The following FHIT variants were observed in gnomAD, a reference collection of about 807,000 sequenced individuals.
The protein encoded by FHIT is bis(5'-adenosyl)-triphosphatase.
FHIT carries 19 observed loss-of-function variants against 17.9 expected under a neutral mutation model. That is an observed-to-expected ratio of 1.06 (90% CI 0.74 to 1.56). The LOEUF (loss-of-function observed/expected upper bound fraction) is 1.56. FHIT is among the 40% of genes most tolerant of loss of function. FHIT has a pLI of 0.00. For missense variants in FHIT, 248 were observed against 189.2 expected, an observed-to-expected ratio of 1.31 and a Z score of -1.82; for synonymous variants, 81 against 69.7, an observed-to-expected ratio of 1.16 and a Z score of -0.81.
chr3:60,410,077 A>G lies in FHIT; in HGVS notation c.103+126783T>C, dbSNP rs139729077. Among the ~76,000 whole-genome samples the G allele has an allele frequency of 2.4e-3, 369 of 152,358 alleles. 2 individuals carry two copies. The highest frequency in any genetic ancestry group is 3.9e-3 in the Non-Finnish European group (263 of 68,038). On this transcript the variant is annotated intron_variant, in intron 5 of 9. Transcript: ENST00000492590. ...GAAGCAAAATACAGGATAATTCAGAATACTAAGAACCTGCTATTGTTTAAC... is the reference window on the plus strand; with the variant it reads ...GAAGCAAAATACAGGATAATTCAGAGTACTAAGAACCTGCTATTGTTTAAC...
chr3:60,128,655 A>C (rs1231078060), intron 5 of FHIT, among the ~76,000 whole-genome samples: 3 of 152,224 alleles, frequency 2.0e-5, no homozygotes, highest in Non-Finnish European at 4.4e-5. Context: ...GGCAAGTAAG[A>C]ATTACTCTGC....
At chr3:60,653,321 AAG>A (rs1461739097) in intron 4 of FHIT, among the ~76,000 whole-genome samples, 1 of 152,194 alleles carries the variant, frequency 6.6e-6, no homozygotes, top group East Asian at 1.9e-4. Context: ...TCAGATAAGA[AAG>A]AGCTCTTTGG....
In FHIT at chr3:60,560,939, C is replaced by G. The variant is rs1047466700; in HGVS notation, c.-17-23960G>C. Among the ~76,000 whole-genome samples, 4 of 151,606 alleles carry G rather than the reference C, an allele frequency of 2.6e-5. No homozygotes were observed. In the South Asian group the frequency reaches 8.3e-4, roughly 32 times the overall value. ...AGCCAGGGACTAAAGAGAAAAGTCC[C>G]TTCCTGTGAAAAGAATAAGATAATA... On this transcript the variant is annotated intron_variant, in intron 4 of 9. Transcript: ENST00000492590.
intron 4 of FHIT, among the ~76,000 whole-genome samples, chr3:60,813,914 A>T (rs1464513064): frequency 1.3e-5 from 2 of 152,030 alleles, no homozygotes; most frequent in Non-Finnish European, 2.9e-5. Flanking sequence ...GCCACTCTAG[A>T]CTTCCTATGC....
chr3:60,583,490 T>C (rs1042248048), intron 4 of FHIT, among the ~76,000 whole-genome samples: 9 of 152,170 alleles, frequency 5.9e-5, no homozygotes, highest in African/African-American at 1.9e-4. Flanking sequence ...AGGATATAGA[T>C]GACAGACGAT....
intron 3 of FHIT, among the ~76,000 whole-genome samples, chr3:61,029,548 C>A (rs1559922923): frequency 6.6e-6 from 1 of 151,978 alleles, no homozygotes; most frequent in Non-Finnish European, 1.5e-5. Context: ...CTTCAGTGAC[C>A]TGAAAAAAAT....
chr3:60,705,381 C>T (rs2041348308), intron 4 of FHIT, among the ~76,000 whole-genome samples: 1 of 151,918 alleles, frequency 6.6e-6, no homozygotes, highest in African/African-American at 2.4e-5. Flanking sequence ...GTCAGGCAAG[C>T]AAAGCTAATG....
chr3:61,026,844 C>T (rs2107658251), intron 3 of FHIT, among the ~76,000 whole-genome samples: 1 of 152,214 alleles, frequency 6.6e-6, no homozygotes, highest in Admixed American at 6.5e-5. Flanking sequence ...TCAAACCTCA[C>T]CTTCCCACAT....
chr3:59,924,603 G>C (rs1240002273), intron 7 of FHIT, among the ~76,000 whole-genome samples: 2 of 152,180 alleles, frequency 1.3e-5, no homozygotes, highest in Non-Finnish European at 1.5e-5. Context: ...ACAAGAATTA[G>C]TTTTATTATT....
chr3:61,003,400 C>A (rs1464343611), intron 3 of FHIT, among the ~76,000 whole-genome samples: 1 of 152,146 alleles, frequency 6.6e-6, no homozygotes, highest in African/African-American at 2.4e-5. Context: ...CTGAATTGAC[C>A]AAGCACTACC....
intron 2 of FHIT, among the ~76,000 whole-genome samples, chr3:61,069,408 T>A (rs2106732937): frequency 6.6e-6 from 1 of 152,320 alleles, no homozygotes; most frequent in South Asian, 2.1e-4. Context: ...CTCTGGGGCA[T>A]GTCTTGGGCA....
intron 5 of FHIT, among the ~76,000 whole-genome samples, chr3:60,194,338 A>G: frequency 6.6e-6 from 1 of 152,308 alleles, no homozygotes; most frequent in East Asian, 1.9e-4. Context: ...AACTGGGGAA[A>G]GGACACTCTA....
At chr3:60,099,536 C>T (rs897586933) in intron 5 of FHIT, among the ~76,000 whole-genome samples, 1 of 152,134 alleles carries the variant, frequency 6.6e-6, no homozygotes, top group African/African-American at 2.4e-5. Context: ...AATGGTCCTT[C>T]TAACACTGTG....
intron 2 of FHIT, among the ~76,000 whole-genome samples, chr3:61,050,345 G>C (rs1169027030): frequency 6.6e-6 from 1 of 152,084 alleles, no homozygotes; most frequent in Non-Finnish European, 1.5e-5. Flanking sequence ...AAGGGGATAA[G>C]AGGACTAATT....
chr3:60,647,385 G>A (rs934122354), intron 4 of FHIT, among the ~76,000 whole-genome samples: 1 of 152,106 alleles, frequency 6.6e-6, no homozygotes. Context: ...ATTCTGAAGG[G>A]CCTCAGAGAT....
intron 8 of FHIT, among the ~76,000 whole-genome samples, chr3:59,840,291 C>G (rs773689684): frequency 1.3e-5 from 2 of 151,712 alleles, no homozygotes; most frequent in Non-Finnish European, 2.9e-5. Flanking sequence ...GTTACCAACT[C>G]AGACACCTAT....
At chr3:60,413,249 A>C (rs564036091) in intron 5 of FHIT, among the ~76,000 whole-genome samples, 1 of 152,318 alleles carries the variant, frequency 6.6e-6, no homozygotes, top group East Asian at 1.9e-4. Flanking sequence ...AATAGAAGGG[A>C]AAGACATCAA....
Position 60,660,729 on chromosome 3 carries a change from CTTTTTTTTT to C in FHIT, c.-17-123759_-17-123751del. Among the ~76,000 whole-genome samples the C allele has an allele frequency of 1.9e-4, 7 of 37,278 alleles. 1 individual carries two copies. Among genetic ancestry groups the C allele is most frequent in the Non-Finnish European group, 3.3e-4 (6 of 18,238 alleles). The allele number at this position is 37,278 out of a possible 152,430, so 24.5% of individuals were successfully genotyped here. A position where few individuals can be genotyped will look rare whatever the true frequency, so the allele number is the denominator to read the frequency against. On this transcript the variant is annotated intron_variant, in intron 4 of 9. Transcript: ENST00000492590. Reference sequence around the variant, plus strand: ...GATGTGGAATATCTTTTATTGTGCTCTTTTTTTTTTTTTTTTTTTTTGCCATCTGCCATT... The same window carrying C: ...GATGTGGAATATCTTTTATTGTGCTCTTTTTTTTTTTTGCCATCTGCCATT...
chr3:60,989,448 TTTAA>T (rs1446036587), intron 3 of FHIT, among the ~76,000 whole-genome samples: 1 of 152,154 alleles, frequency 6.6e-6, no homozygotes, highest in Non-Finnish European at 1.5e-5. Flanking sequence ...TTACGGAAAC[TTTAA>T]TTAAGCTCTT....
Sources: allele counts gnomAD v4.1 joint callset (sites outside exome capture counted in the v4.1 genomes callset), GRCh38; gene constraint gnomAD v4.1.1; transcripts MANE v1.5; gene names NCBI Gene and HGNC (gene_info 2026-07-23, HGNC 2026-07-21).